The following PIWIL2 variants were observed in gnomAD, a reference collection of about 807,000 sequenced individuals.
The protein encoded by PIWIL2 is piwi-like protein 2.
In PIWIL2, 81 loss-of-function variants were observed where a neutral mutation model predicts 116.5. The ratio of observed to expected loss-of-function variants is 0.70; its 90% CI spans 0.58 to 0.84. The LOEUF (loss-of-function observed/expected upper bound fraction) is 0.84, where lower values mean the gene tolerates loss of function less well. Ranked by LOEUF, PIWIL2 falls within the 40% of genes least tolerant of loss-of-function variation. The pLI, the probability that PIWIL2 is intolerant of heterozygous loss-of-function variation, is 0.00. For synonymous variants in PIWIL2, 489 were observed against 429.5 expected, an observed-to-expected ratio of 1.14 and a Z score of -1.71; for missense variants, 1,272 against 1,212.3, an observed-to-expected ratio of 1.05 and a Z score of -0.73.
intron 6 of PIWIL2, among the ~76,000 whole-genome samples, chr8:22,284,922 C>T (rs1479295050): frequency 1.3e-5 from 2 of 151,934 alleles, no homozygotes; most frequent in Admixed American, 1.3e-4. Context: ...TTTTGAAATA[C>T]CTGTGAAGAA....
intron 20 of PIWIL2, among the ~76,000 whole-genome samples, chr8:22,323,143 C>CTTTTTTTTTTTTTTTTTTTTT (rs138180864): frequency 1.3e-5 from 1 of 78,024 alleles, no homozygotes; most frequent in African/African-American, 5.5e-5. Context: ...TAGTCTTGAT[C>CTTTTTTTTTTTTTTTTTTTTT]TTTTTTTTTT....
chr8:22,340,829 C>G (rs964595894), intron 20 of PIWIL2, among the ~76,000 whole-genome samples: 1 of 152,012 alleles, frequency 6.6e-6, no homozygotes, highest in Non-Finnish European at 1.5e-5. Context: ...CTCCCACCTC[C>G]GCCTCCCAAG....
Position 22,308,169 on chromosome 8 carries a change from T to A in PIWIL2, c.1686+96T>A, listed in dbSNP as rs1240717525. ...TTTGTTGTCAGTATATTTTGAATGTTTGTCCATGTCATTTAATATTTTTCT... is the reference window on the plus strand; with the variant it reads ...TTTGTTGTCAGTATATTTTGAATGTATGTCCATGTCATTTAATATTTTTCT... On this transcript the variant is annotated intron_variant, in intron 14 of 22. Transcript: ENST00000356766. 50 of 1,057,870 alleles carry A rather than the reference T, an allele frequency of 4.7e-5. No homozygotes were observed. In the East Asian group the frequency reaches 1.2e-3, roughly 25 times the overall value. The allele number at this position is 1,057,870 out of a possible 1,614,324, so 65.5% of individuals were successfully genotyped here. A position where few individuals can be genotyped will look rare whatever the true frequency, so the allele number is the denominator to read the frequency against.
chr8:22,298,021 C>G (rs1174698967), intron 10 of PIWIL2, among the ~76,000 whole-genome samples: 2 of 152,146 alleles, frequency 1.3e-5, no homozygotes, highest in African/African-American at 4.8e-5. Flanking sequence ...TTTTGGAAGG[C>G]TGAGGAGGGT....
chr8:22,340,668 T>C (rs1232010536), intron 20 of PIWIL2, among the ~76,000 whole-genome samples: 1 of 152,122 alleles, frequency 6.6e-6, no homozygotes, highest in Non-Finnish European at 1.5e-5. Flanking sequence ...ACACCAAGGA[T>C]TGAACCACCA....
rs1360372563 is a variant in PIWIL2 at position 22,279,576 on chromosome 8, G to T, written c.190G>T (p.Ala64Ser). Residue 64 changes from alanine to serine, a missense_variant, in exon 2 of 23, where the codon GCA (alanine) becomes TCA (serine). Transcript: ENST00000356766. ...GGAACCAAGCACACAGAGGGGGCCAGCACAAAGGGTAAGACCACTTCCGGA... is the reference window on the plus strand; with the variant it reads ...GGAACCAAGCACACAGAGGGGGCCATCACAAAGGGTAAGACCACTTCCGGA... ...PEEPSTQRGP[A>S]QRESVGLVSM... 6.2e-7 allele frequency: 1 copy of T among 1,613,890 alleles called. No homozygotes were observed. The highest frequency in any genetic ancestry group is 2.2e-5 in the East Asian group (1 of 44,900).
intron 10 of PIWIL2, among the ~76,000 whole-genome samples, chr8:22,300,074 CT>C (rs1203918616): frequency 6.6e-6 from 1 of 151,896 alleles, no homozygotes; most frequent in East Asian, 1.9e-4. Flanking sequence ...TTACAGGTGC[CT>C]GCCACCACGC....
Position 22,311,317 on chromosome 8 carries a change from A to T in PIWIL2, c.1989+17A>T. The T allele has an allele frequency of 6.3e-7, 1 of 1,577,022 alleles. No homozygotes were observed. The highest frequency in any genetic ancestry group is 8.7e-7 in the Non-Finnish European group (1 of 1,155,250). ...GGAGCTGAGGTAAAAATGTAATTCA[A>T]ATAAATTTATAGGATGTCCATTTTA... On this transcript the variant is annotated intron_variant, in intron 16 of 22. Transcript: ENST00000356766.
intron 10 of PIWIL2, among the ~76,000 whole-genome samples, chr8:22,299,767 A>G (rs1831001760): frequency 6.6e-6 from 1 of 152,136 alleles, no homozygotes; most frequent in African/African-American, 2.4e-5. Context: ...CATTGCCCCA[A>G]AATGTTCTCA....
At chr8:22,295,093 T>A (rs927311668) in intron 10 of PIWIL2, among the ~76,000 whole-genome samples, 9 of 151,464 alleles carry the variant, frequency 5.9e-5, no homozygotes, top group South Asian at 2.1e-4. Context: ...AAAAAAAAAA[T>A]ATTTTTATTT....
rs112655744 is a variant in PIWIL2 at position 22,287,344 on chromosome 8, A to G, written c.744-184A>G. Among the ~76,000 whole-genome samples, 176 of 152,188 alleles carry G rather than the reference A, an allele frequency of 1.2e-3. 1 individual carries two copies. Among genetic ancestry groups the G allele is most frequent in the Middle Eastern group, 3.4e-3 (1 of 294 alleles). On this transcript the variant is annotated intron_variant, in intron 6 of 22. Transcript: ENST00000356766. The stretch of plus-strand genomic sequence containing the variant: ...GGTGGTTTTTATTTTTTTATGACCT[A>G]TGGTTTCTGATGTTTCAGCTGCGAG...
At chr8:22,299,357 T>A (rs1421676053) in intron 10 of PIWIL2, among the ~76,000 whole-genome samples, 3 of 151,984 alleles carry the variant, frequency 2.0e-5, no homozygotes, top group Non-Finnish European at 4.4e-5. Flanking sequence ...ATTACAGGCA[T>A]GTGCCACCAC....
intron 1 of PIWIL2, chr8:22,275,758 T>G (rs1412597232): frequency 6.6e-6 from 1 of 152,358 alleles, no homozygotes; most frequent in African/African-American, 2.4e-5. Flanking sequence ...GGGGCCTTGC[T>G]TCTGGTTAGG....
At position 22,354,395 on chromosome 8, in the gene PIWIL2, C is replaced by T. The variant is rs1169179482; in HGVS notation, c.2765+17C>T. On this transcript the variant is annotated intron_variant, in intron 22 of 22. Coordinates refer to ENST00000356766, the MANE Select transcript of PIWIL2 (RefSeq NM_018068.5). ...TATGCAGAGGTGGGCCCATCAGTAA[C>T]TTACTCTTTCTCTTTCTTAAATAAT... 6.8e-7 allele frequency: 1 copy of T among 1,479,650 alleles called. No individual in the cohort carries two copies. Among genetic ancestry groups the T allele is most frequent in the African/African-American group, 1.4e-5 (1 of 72,324 alleles). The allele number at this position is 1,479,650 out of a possible 1,614,324, so 91.7% of individuals were successfully genotyped here.
In PIWIL2 at chr8:22,299,420, C is replaced by G. The variant is rs906201600; in HGVS notation, c.1182-4601C>G. 2.0e-5 allele frequency among the ~76,000 whole-genome samples: 3 copies of G among 152,084 alleles called. No homozygotes were observed. The South Asian group carries it at 6.2e-4, about 31-fold the overall frequency. On this transcript the variant is annotated intron_variant, in intron 10 of 22. Transcript: ENST00000356766. Reference sequence around the variant, plus strand: ...ACAGGGTTTCTCCATGGTGGTCAGACTGGTCTTGAACTCCTGACCTCAGGT... The same window carrying G: ...ACAGGGTTTCTCCATGGTGGTCAGAGTGGTCTTGAACTCCTGACCTCAGGT...
intron 1 of PIWIL2, 103 bp from the exon 2 acceptor site, chr8:22,279,238 G>A (rs1830444643): frequency 9.3e-6 from 6 of 643,038 alleles, no homozygotes; most frequent in South Asian, 5.5e-5. Flanking sequence ...AAGGCTAGGC[G>A]TGTTACTGGA....
At chr8:22,351,440 C>CATATAT (rs71544885) in intron 20 of PIWIL2, among the ~76,000 whole-genome samples, 822 of 52,476 alleles carry the variant, frequency 0.016, 30 homozygotes, top group Middle Eastern at 0.038. Flanking sequence ...TGCATACATA[C>CATATAT]ATATATATAT....
At chr8:22,348,299 C>G (rs1467255528) in intron 20 of PIWIL2, among the ~76,000 whole-genome samples, 2 of 152,000 alleles carry the variant, frequency 1.3e-5, no homozygotes, top group Non-Finnish European at 2.9e-5. Context: ...GACTCCATCT[C>G]AAAAATAATA....
chr8:22,327,725 C>A (rs748800568), intron 20 of PIWIL2, among the ~76,000 whole-genome samples: 1 of 152,140 alleles, frequency 6.6e-6, no homozygotes, highest in African/African-American at 2.4e-5. Context: ...TCTTAATGAC[C>A]AGTGATGTTG....
Sources: allele counts gnomAD v4.1 joint callset (sites outside exome capture counted in the v4.1 genomes callset), GRCh38; gene constraint gnomAD v4.1.1; transcripts MANE v1.5; gene names NCBI Gene and HGNC (gene_info 2026-07-23, HGNC 2026-07-21).